The following IGLL5 variants were observed in gnomAD, a reference collection of about 807,000 sequenced individuals.
IGLL5 encodes immunoglobulin lambda like polypeptide 5.
IGLL5 carries 30 observed loss-of-function variants against 20.9 expected under a neutral mutation model. That is an observed-to-expected ratio of 1.44 (90% CI 1.07 to 1.95). The LOEUF is 1.95. IGLL5 is among the 30% of genes most tolerant of loss of function. The pLI is 0.00. For synonymous variants in IGLL5, 203 were observed against 117.3 expected, an observed-to-expected ratio of 1.73 and a Z score of -4.72; for missense variants, 475 against 270.7, an observed-to-expected ratio of 1.75 and a Z score of -5.30.
intron 2 of IGLL5, among the ~76,000 whole-genome samples, chr22:22,894,564 T>A (rs760342719): frequency 6.6e-6 from 1 of 151,450 alleles, no homozygotes; most frequent in Non-Finnish European, 1.5e-5. Flanking sequence ...GCCTCCTGCC[T>A]TCCTCAAAGG....
chr22:22,893,859 G>C (rs146271125), intron 2 of IGLL5, 41 bp downstream of exon 2: 34 of 1,332,902 alleles, frequency 2.6e-5, no homozygotes, highest in Middle Eastern at 3.7e-4. Flanking sequence ...CTCACCCTCT[G>C]CTGTCCCTGG....
intron 2 of IGLL5, among the ~76,000 whole-genome samples, chr22:22,894,116 A>G (rs1164486196): frequency 4.0e-5 from 6 of 151,278 alleles, no homozygotes; most frequent in South Asian, 2.1e-4. Flanking sequence ...GCTGGTTCTG[A>G]TGAGGGGCCC....
At chr22:22,892,051 A>G (rs2067864797) in intron 1 of IGLL5, among the ~76,000 whole-genome samples, 1 of 151,268 alleles carries the variant, frequency 6.6e-6, no homozygotes, top group African/African-American at 2.4e-5. Flanking sequence ...ATGCTGAATA[A>G]TAAAAGTGAG....
At position 22,888,737 on chromosome 22, in the gene IGLL5, A is replaced by G. The variant is rs1601603447; in HGVS notation, c.206+478A>G. On this transcript the variant is annotated intron_variant, in intron 1 of 2. Coordinates refer to ENST00000526893, the MANE Select transcript of IGLL5 (RefSeq NM_001178126.2). ...TGGTCTCCCCCAAGGCTGTCTGTTC[A>G]CCAACTTGCACATAAATGCTTACTG... is the stretch of plus-strand genomic sequence containing the variant. 2.6e-5 allele frequency among the ~76,000 whole-genome samples: 4 copies of G among 151,320 alleles called. 1 individual carries two copies. Among genetic ancestry groups the G allele is most frequent in the South Asian group, 2.1e-4 (1 of 4,744 alleles).
intron 2 of IGLL5, among the ~76,000 whole-genome samples, chr22:22,894,258 GGACTGGATGCCAATCCAGC>G: frequency 6.6e-6 from 1 of 151,176 alleles, no homozygotes. Context: ...TCTAGGCTGA[GGACTGGATGCCAATCCAGC>G]CTGGGAGGGC....
At chr22:22,894,476 A>C (rs527669441) in intron 2 of IGLL5, among the ~76,000 whole-genome samples, 1 of 151,430 alleles carries the variant, frequency 6.6e-6, no homozygotes, top group Admixed American at 6.6e-5. Flanking sequence ...GAAAGGAGAC[A>C]GTCTCTTAGG....
chr22:22,894,603 G>A (rs2066672983), intron 2 of IGLL5, among the ~76,000 whole-genome samples: 1 of 151,264 alleles, frequency 6.6e-6, no homozygotes, highest in Admixed American at 6.6e-5. Flanking sequence ...ATGACCAGAG[G>A]GGAGTGAATG....
intron 1 of IGLL5, among the ~76,000 whole-genome samples, chr22:22,890,301 G>A (rs1601611859): frequency 6.8e-6 from 1 of 147,602 alleles, no homozygotes. Context: ...GTGTGTGTGT[G>A]TGTCCCTGAA....
At position 22,887,950 on chromosome 22, in the gene IGLL5, G is replaced by A; in HGVS notation, c.-104G>A. 3.4e-6 allele frequency: 3 copies of A among 889,152 alleles called. No homozygotes were observed. The allele number at this position is 889,152 out of a possible 1,614,324, so 55.1% of individuals were successfully genotyped here. ...AGGGAGAGGACAGAGCCAATGGACT[G>A]GGGTGTACTGTAACAGCCCTGCTGG... On this transcript the variant is annotated 5_prime_UTR_variant, in exon 1 of 3. An upstream open reading frame in the 5' UTR gains an earlier in-frame stop. Transcript: ENST00000526893.
At chr22:22,893,926 C>A (rs1047942719) in intron 2 of IGLL5, 108 bp downstream of exon 2, 7 of 813,386 alleles carry the variant, frequency 8.6e-6, no homozygotes, top group Admixed American at 1.8e-5. Flanking sequence ...GCCTTAAGCA[C>A]TGACCCTTAC....
chr22:22,890,051 A>G lies in IGLL5; in HGVS notation c.206+1792A>G, dbSNP rs190177946. Among the ~76,000 whole-genome samples, 3 of 150,404 alleles carry G rather than the reference A, an allele frequency of 2.0e-5. 1 individual carries two copies. Among genetic ancestry groups the G allele is most frequent in the South Asian group, 2.1e-4 (1 of 4,684 alleles). On this transcript the variant is annotated intron_variant, in intron 1 of 2. Transcript: ENST00000526893. ...TGTGAAGTTGTTCACAAAAAGAGAC[A>G]TTTCTTCTAATATAATTTTTAATAC...
rs768019021 is a variant in IGLL5 at position 22,895,905 on chromosome 22, G to A, written c.*211G>A. The A allele has an allele frequency of 6.4e-6, 4 of 621,646 alleles. No individual in the cohort carries two copies. The South Asian group carries it at 7.8e-5, about 12-fold the overall frequency. 38.5% of individuals were successfully genotyped at this position (621,646 alleles called of 1,614,324 possible). ...CCGGGGTTCTCAGTGTGGGGTACAGGGAATTCTGCACCCAGTGTGAAAATC... is the reference window on the plus strand; with the variant it reads ...CCGGGGTTCTCAGTGTGGGGTACAGAGAATTCTGCACCCAGTGTGAAAATC... On this transcript the variant is annotated 3_prime_UTR_variant, in exon 3 of 3. Coordinates refer to ENST00000526893, the MANE Select transcript of IGLL5 (RefSeq NM_001178126.2).
intron 1 of IGLL5, among the ~76,000 whole-genome samples, chr22:22,889,078 G>A (rs184086435): frequency 2.6e-5 from 4 of 151,318 alleles, no homozygotes; most frequent in Admixed American, 1.3e-4. Flanking sequence ...GATTTAGGTA[G>A]ATTGATTATC....
At chr22:22,894,810 T>G (rs1601628741) in intron 2 of IGLL5, among the ~76,000 whole-genome samples, 1 of 151,158 alleles carries the variant, frequency 6.6e-6, no homozygotes, top group Non-Finnish European at 1.5e-5. Context: ...CTTGTCTAGG[T>G]GGAGCCCACT....
intron 2 of IGLL5, among the ~76,000 whole-genome samples, chr22:22,894,270 A>T (rs1218754475): frequency 2.0e-5 from 3 of 150,912 alleles, no homozygotes; most frequent in East Asian, 4.1e-4. Context: ...ACTGGATGCC[A>T]ATCCAGCCTG....
In IGLL5 at chr22:22,888,794, A is replaced by G. The variant is rs570287666; in HGVS notation, c.206+535A>G. On this transcript the variant is annotated intron_variant, in intron 1 of 2. Transcript: ENST00000526893. The stretch of plus-strand genomic sequence containing the variant: ...GGCTCAAGGACACAGGGAGGGTGGG[A>G]TGAACCGAGGGGAGCTGTCCAGTCA... Among the ~76,000 whole-genome samples the G allele has an allele frequency of 1.8e-4, 27 of 151,280 alleles. 1 individual carries two copies. The highest frequency in any genetic ancestry group is 3.7e-3 in the Middle Eastern group (1 of 268).
At chr22:22,888,871 C>T (rs566596369) in intron 1 of IGLL5, among the ~76,000 whole-genome samples, 1 of 151,446 alleles carries the variant, frequency 6.6e-6, no homozygotes, top group African/African-American at 2.4e-5. Flanking sequence ...GAGGGGATCT[C>T]CCTCTGGGAT....
At chr22:22,888,731 C>G in intron 1 of IGLL5, among the ~76,000 whole-genome samples, 3 of 151,418 alleles carry the variant, frequency 2.0e-5, no homozygotes, top group Middle Eastern at 3.7e-3. Flanking sequence ...CCAAGGCTGT[C>G]TGTTCACCAA....
At chr22:22,894,845 T>A (rs2066701888) in intron 2 of IGLL5, among the ~76,000 whole-genome samples, 2 of 151,396 alleles carry the variant, frequency 1.3e-5, no homozygotes, top group South Asian at 2.1e-4. Context: ...CCAAGTGGGC[T>A]GGGCTGGGGC....
Sources: gnomAD v4.1 joint callset for allele counts (sites outside exome capture counted in the v4.1 genomes callset) on GRCh38, gnomAD v4.1.1 for gene constraint, MANE v1.5 for transcripts, NCBI Gene and HGNC (gene_info 2026-07-23, HGNC 2026-07-21) for gene names.